LRRC7: variants seen among roughly 807,000 people sequenced by gnomAD.
LRRC7 encodes leucine-rich repeat-containing protein 7.
A neutral mutation model predicts 175.7 loss-of-function variants in LRRC7; 23 were observed. The ratio of observed to expected loss-of-function variants is 0.13; its 90% CI spans 0.09 to 0.19. LRRC7 has a LOEUF of 0.19. Ranked by LOEUF, LRRC7 falls within the 10% of genes least tolerant of loss-of-function variation. The pLI, the probability that LRRC7 is intolerant of heterozygous loss-of-function variation, is 1.00. For synonymous variants in LRRC7, 685 were observed against 680.9 expected (o/e 1.01, Z -0.09); for missense variants, 1,354 against 1,904.7 (o/e 0.71, Z 5.38).
chr1:69,638,262 A>G (rs1048608927), intron 1 of LRRC7, among the ~76,000 whole-genome samples: 1 of 151,846 alleles, frequency 6.6e-6, no homozygotes, highest in African/African-American at 2.4e-5. Context: ...CTAAATATTA[A>G]TCATTCATTT....
chr1:69,968,769 C>G (rs867325584), intron 8 of LRRC7, among the ~76,000 whole-genome samples: 1 of 152,024 alleles, frequency 6.6e-6, no homozygotes, highest in African/African-American at 2.4e-5. Context: ...ATAAAACAAC[C>G]GCTGAAAGGA....
At chr1:69,597,439 C>T (rs79921217) in intron 1 of LRRC7, among the ~76,000 whole-genome samples, 1 of 152,002 alleles carries the variant, frequency 6.6e-6, no homozygotes. Flanking sequence ...AAATAAAAAA[C>T]CAATAAATAG....
rs1659389936 is a variant in LRRC7, at chr1:70,037,095, GCCT to G, written c.2288+479_2288+481del. On this transcript the variant is annotated intron_variant, in intron 20 of 26. Coordinates refer to ENST00000651989, the MANE Select transcript of LRRC7 (RefSeq NM_001370785.2). ...TTTAAGTACTTAATCTTTCCAAAATGCCTCCTCCTCTATATTACTCTAATTTTA... is the reference window on the plus strand; with the variant it reads ...TTTAAGTACTTAATCTTTCCAAAATGCCTCCTCTATATTACTCTAATTTTA... Among the ~76,000 whole-genome samples the G allele has an allele frequency of 1.3e-5, 2 of 152,040 alleles. 1 individual carries two copies. Among genetic ancestry groups the G allele is most frequent in the African/African-American group, 4.8e-5 (2 of 41,388 alleles).
At chr1:69,882,764 G>A (rs1161993301) in intron 7 of LRRC7, among the ~76,000 whole-genome samples, 9 of 73,458 alleles carry the variant, frequency 1.2e-4, no homozygotes, top group South Asian at 8.5e-4. Flanking sequence ...TCCCTCCCCC[G>A]CCCCCCACCC....
At chr1:69,939,313 C>G (rs1326110483) in intron 8 of LRRC7, among the ~76,000 whole-genome samples, 2 of 151,712 alleles carry the variant, frequency 1.3e-5, no homozygotes, top group Non-Finnish European at 1.5e-5. Context: ...AGGAGGGGCC[C>G]CCACAGGCTA....
In LRRC7 at chr1:69,792,147, C is replaced by T. The variant is rs1434362528; in HGVS notation, c.408C>T (p.Asp136=). ...GTTTAGTTAATCTTAAAGAACTCGA[C>T]ATCAGTAAAAATGGTAAGATTTTTC... ...IASLVNLKEL[D]ISKNGVQEFP... Residue 136 remains aspartate (D), a synonymous_variant, in exon 4 of 27, where the codon GAC becomes GAT. Transcript: ENST00000651989. The T allele has an allele frequency of 1.3e-6, 2 of 1,583,876 alleles. No homozygotes were observed.
chr1:70,104,830 A>G (rs1665035511), intron 25 of LRRC7, among the ~76,000 whole-genome samples: 1 of 152,206 alleles, frequency 6.6e-6, no homozygotes, highest in Non-Finnish European at 1.5e-5. Context: ...CATTGCAGAT[A>G]TGATGACCTT....
intron 4 of LRRC7, among the ~76,000 whole-genome samples, chr1:69,811,425 T>C (rs1286645835): frequency 6.6e-6 from 1 of 152,146 alleles, no homozygotes; most frequent in South Asian, 2.1e-4. Context: ...ACTGGGTATA[T>C]ACCCAAAGGA....
chr1:69,843,749 GT>G (rs1380784645), intron 7 of LRRC7, among the ~76,000 whole-genome samples: 1 of 152,010 alleles, frequency 6.6e-6, no homozygotes, highest in African/African-American at 2.4e-5. Context: ...AATTATATAT[GT>G]AAATTAAAGC....
chr1:69,827,447 C>T (rs1680049219), intron 5 of LRRC7, among the ~76,000 whole-genome samples: 1 of 152,036 alleles, frequency 6.6e-6, no homozygotes, highest in African/African-American at 2.4e-5. Flanking sequence ...AAATGCATAA[C>T]ACTGTAAACA....
chr1:70,138,257 G>A lies in LRRC7; in HGVS notation c.*16370G>A, dbSNP rs1666942864. 1 of 151,994 alleles carries A rather than the reference G, an allele frequency of 6.6e-6. No individual in the cohort carries two copies. Among genetic ancestry groups the A allele is most frequent in the South Asian group, 2.1e-4 (1 of 4,812 alleles). 9.4% of individuals were successfully genotyped at this position (151,994 alleles called of 1,614,324 possible). ...TCCTGACCTTCAAGTACCAGTTTGG[G>A]CATATTACTGGAGATCCAGGTTGAA... is the stretch of plus-strand genomic sequence containing the variant. On this transcript the variant is annotated 3_prime_UTR_variant, in exon 27 of 27. Transcript: ENST00000651989.
Position 70,078,820 on chromosome 1 carries a change from A to G in LRRC7, c.4452+2522A>G, listed in dbSNP as rs978343456. Among the ~76,000 whole-genome samples the G allele has an allele frequency of 4.0e-5, 5 of 124,366 alleles. 1 individual carries two copies. Among genetic ancestry groups the G allele is most frequent in the African/African-American group, 3.3e-5 (1 of 30,196 alleles). 81.6% of individuals were successfully genotyped at this position (124,366 alleles called of 152,430 possible). On this transcript the variant is annotated intron_variant, in intron 24 of 26. Transcript: ENST00000651989. The stretch of plus-strand genomic sequence containing the variant: ...CGCGCGCGCGCGCGCGCACACACAC[A>G]CACGCACACACACACACACACACAC...
intron 24 of LRRC7, among the ~76,000 whole-genome samples, chr1:70,079,898 A>T (rs1400401762): frequency 6.6e-6 from 1 of 152,178 alleles, no homozygotes; most frequent in Non-Finnish European, 1.5e-5. Flanking sequence ...ATTTTATTTC[A>T]TCCTCATAAT....
In LRRC7 at chr1:70,038,582, A is replaced by G. The variant is rs745977690; in HGVS notation, c.2758A>G (p.Thr920Ala). 9.9e-6 allele frequency: 16 copies of G among 1,614,152 alleles called. No individual in the cohort carries two copies. Among genetic ancestry groups the G allele is most frequent in the East Asian group, 2.2e-5 (1 of 44,872 alleles). ...PERKEHIKES[T>A]EIPSPFSPGV... ...AAGGAAAGAACATATAAAGGAATCT[A>G]CTGAAATACCTAGTCCTTTTTCTCC... The change falls in exon 21 of 27, where the codon ACT becomes GCT. Residue 920 changes from threonine (T) to alanine (A), a missense_variant. By Grantham distance (58) the Thr-to-Ala change is moderately conservative. Coordinates refer to ENST00000651989, the MANE Select transcript of LRRC7 (RefSeq NM_001370785.2).
intron 2 of LRRC7, among the ~76,000 whole-genome samples, chr1:69,699,579 C>T (rs1012721613): frequency 1.3e-5 from 2 of 150,010 alleles, no homozygotes; most frequent in African/African-American, 4.8e-5. Flanking sequence ...GAACTTCTTT[C>T]CTGACCTCTG....
chr1:69,728,359 C>A (rs905682581), intron 2 of LRRC7, among the ~76,000 whole-genome samples: 14 of 152,050 alleles, frequency 9.2e-5, no homozygotes, highest in African/African-American at 3.1e-4. Context: ...AAAGTCAGTC[C>A]CATCTGTCAA....
rs964301352 is a variant in LRRC7 at position 70,125,000 on chromosome 1, A to G, written c.*3113A>G. 1.3e-5 allele frequency among the ~76,000 whole-genome samples: 2 copies of G among 152,216 alleles called. No homozygotes were observed. Among genetic ancestry groups the G allele is most frequent in the African/African-American group, 4.8e-5 (2 of 41,460 alleles). ...AAATAGATATTAGTGGACAATTTTT[A>G]AAACTATTTACAAGGCTCATAATAT... On this transcript the variant is annotated 3_prime_UTR_variant, in exon 27 of 27. Transcript: ENST00000651989.
At chr1:69,931,811 TATG>T (rs1401085890) in intron 8 of LRRC7, among the ~76,000 whole-genome samples, 11 of 152,218 alleles carry the variant, frequency 7.2e-5, no homozygotes, top group Admixed American at 2.6e-4. Flanking sequence ...GTATGTTACA[TATG>T]TTATCTCTTT....
intron 7 of LRRC7, among the ~76,000 whole-genome samples, chr1:69,897,182 CAT>C (rs1445210899): frequency 6.6e-6 from 1 of 152,136 alleles, no homozygotes; most frequent in Admixed American, 6.5e-5. Context: ...TGTCATATCA[CAT>C]TGCTAGTAAG....
Sources: allele counts gnomAD v4.1 joint callset (sites outside exome capture counted in the v4.1 genomes callset), GRCh38; gene constraint gnomAD v4.1.1; transcripts MANE v1.5; gene names NCBI Gene and HGNC (gene_info 2026-07-23, HGNC 2026-07-21).